Variants in CORO2B observed in about 807,000 individuals in gnomAD.
The protein encoded by CORO2B is coronin-2B.
Under a neutral mutation model 58.8 loss-of-function variants are expected in CORO2B, and 26 were observed. That is an observed-to-expected ratio of 0.44 (90% confidence interval 0.32 to 0.61). The LOEUF is 0.61. Among genes scored for constraint, CORO2B ranks in the 20% least tolerant of loss-of-function variants. The pLI, the probability that CORO2B is intolerant of heterozygous loss-of-function variation, is 0.04. For synonymous variants in CORO2B, 242 were observed against 253.8 expected (o/e 0.95, Z 0.44); for missense variants, 460 against 645.1 (o/e 0.71, Z 3.11).
intron 1 of CORO2B, among the ~76,000 whole-genome samples, chr15:68,603,015 G>C (rs950142846): frequency 3.3e-5 from 5 of 152,200 alleles, no homozygotes; most frequent in Non-Finnish European, 7.3e-5. Flanking sequence ...TTTCCCCTGA[G>C]CAGGAAGGTG....
At chr15:68,684,458 G>A (rs892341627) in intron 2 of CORO2B, among the ~76,000 whole-genome samples, 6 of 152,254 alleles carry the variant, frequency 3.9e-5, no homozygotes, top group African/African-American at 1.2e-4. Context: ...GGGCAGAAAG[G>A]ACCACAGGAG....
chr15:68,698,149 G>A (rs962117262), intron 3 of CORO2B, among the ~76,000 whole-genome samples: 2 of 152,234 alleles, frequency 1.3e-5, no homozygotes, highest in African/African-American at 4.8e-5. Flanking sequence ...TAGGTCACAA[G>A]CCAGGAAGTA....
chr15:68,545,056 G>C, the CORO2B span, among the ~76,000 whole-genome samples: 6 of 152,260 alleles, frequency 3.9e-5, no homozygotes, highest in South Asian at 6.2e-4. Flanking sequence ...TTACAGGCTT[G>C]AGCCACCACG....
chr15:68,579,225 GCCGCGC>G lies in CORO2B; in HGVS notation c.-29_-24del. 1 of 1,090,730 alleles carries G rather than the reference GCCGCGC, an allele frequency of 9.2e-7. No individual in the cohort carries two copies. The highest frequency in any genetic ancestry group is 1.1e-6 in the Non-Finnish European group (1 of 900,374). 67.6% of individuals were successfully genotyped at this position (1,090,730 alleles called of 1,614,324 possible). On this transcript the variant is annotated 5_prime_UTR_variant, in exon 1 of 12. Coordinates refer to ENST00000261861, the MANE Select transcript of CORO2B (RefSeq NM_006091.5). Reference sequence around the variant, plus strand: ...CGGGCCGCCGCCGCCGCCCCCGCACGCCGCGCCCGCGCCCCCGCTCCGCCGCGGAGT... The same window carrying G: ...CGGGCCGCCGCCGCCGCCCCCGCACGCCGCGCCCCCGCTCCGCCGCGGAGT...
At position 68,710,841 on chromosome 15, in the gene CORO2B, C is replaced by T. The variant is rs1196634495; in HGVS notation, c.443C>T (p.Thr148Ile). The change falls in exon 4 of 12, where the codon ACC becomes ATC. Residue 148 changes from threonine (T) to isoleucine (I), a missense_variant. This residue lies in a region of CORO2B where 352 missense variants were observed against 543.0 expected (regional missense o/e 0.65). Transcript: ENST00000261861. The surrounding 1 kb of genome is among the most constrained non-coding windows in gnomAD (Gnocchi z 4.1). The stretch of plus-strand genomic sequence containing the variant: ...GTGGGGCTGGTCGAGTGGCACCCCA[C>T]CACCAACAACATCCTGTTCAGCGCT... The part of the protein sequence containing the change: ...RRVGLVEWHP[T>I]TNNILFSAGY... The T allele has an allele frequency of 6.2e-7, 1 of 1,611,028 alleles. No homozygotes were observed. Among genetic ancestry groups the T allele is most frequent in the South Asian group, 1.1e-5 (1 of 90,008 alleles).
At chr15:68,720,327 G>A (rs546342960) in intron 11 of CORO2B, among the ~76,000 whole-genome samples, 9 of 152,310 alleles carry the variant, frequency 5.9e-5, no homozygotes, top group Admixed American at 3.9e-4. Flanking sequence ...TAAGTGTCTA[G>A]CACTCTTCCT....
chr15:68,603,496 G>A (rs1331239135), intron 1 of CORO2B, among the ~76,000 whole-genome samples: 6 of 152,158 alleles, frequency 3.9e-5, no homozygotes, highest in Admixed American at 2.6e-4. Context: ...CAGAGTTAGG[G>A]TGACATGGTG....
At chr15:68,571,948 G>C in the CORO2B span, among the ~76,000 whole-genome samples, 1 of 152,228 alleles carries the variant, frequency 6.6e-6, no homozygotes, top group Admixed American at 6.5e-5. Context: ...GGTCCCCACT[G>C]TAATGAGAAG....
intron 11 of CORO2B, among the ~76,000 whole-genome samples, chr15:68,724,861 T>G (rs547360054): frequency 6.6e-6 from 1 of 152,288 alleles, no homozygotes; most frequent in African/African-American, 2.4e-5. Context: ...TGTGGACATC[T>G]GTCAATATGC....
At chr15:68,652,613 G>T (rs1181924696) in intron 2 of CORO2B, among the ~76,000 whole-genome samples, 6 of 152,202 alleles carry the variant, frequency 3.9e-5, no homozygotes, top group African/African-American at 1.4e-4. Context: ...TGTACACCGG[G>T]TCTCTGGGGC....
At chr15:68,554,128 G>C in the CORO2B span, among the ~76,000 whole-genome samples, 1 of 152,118 alleles carries the variant, frequency 6.6e-6, no homozygotes, top group South Asian at 2.1e-4. Flanking sequence ...TGGGCTTGTC[G>C]GGCCCTGGTA....
At position 68,722,580 on chromosome 15, in the gene CORO2B, G is replaced by A. The variant is rs141383504; in HGVS notation, c.1311+3028G>A. Among the ~76,000 whole-genome samples, 750 of 152,206 alleles carry A rather than the reference G, an allele frequency of 4.9e-3. 9 individuals are homozygous for A. Among genetic ancestry groups the A allele is most frequent in the African/African-American group, 0.017 (708 of 41,542 alleles). ...TGTGTGAATTACACCTCACTAAAGC[G>A]GTTTTTTTGACAAAAGTGGACCAAA... On this transcript the variant is annotated intron_variant, in intron 11 of 11. Transcript: ENST00000261861.
chr15:68,522,530 AC>A, the CORO2B span, among the ~76,000 whole-genome samples: 1 of 151,910 alleles, frequency 6.6e-6, no homozygotes, highest in Non-Finnish European at 1.5e-5. Context: ...GCTCACTGCA[AC>A]CTCTGCCTCC....
chr15:68,644,550 A>G (rs1304486699), intron 1 of CORO2B, among the ~76,000 whole-genome samples: 1 of 152,204 alleles, frequency 6.6e-6, no homozygotes, highest in Non-Finnish European at 1.5e-5. Context: ...AGCCTTGGAC[A>G]AGTCACTTAA....
the CORO2B span, among the ~76,000 whole-genome samples, chr15:68,522,912 G>A: frequency 2.0e-5 from 3 of 152,042 alleles, no homozygotes; most frequent in South Asian, 2.1e-4. Flanking sequence ...TTGAATACTG[G>A]AGAGTTTATA....
chr15:68,630,714 C>T (rs1900805361), intron 1 of CORO2B, among the ~76,000 whole-genome samples: 1 of 152,092 alleles, frequency 6.6e-6, no homozygotes, highest in Admixed American at 6.5e-5. Context: ...GGAAGGAGGT[C>T]CTAGGTTTGG....
intron 2 of CORO2B, among the ~76,000 whole-genome samples, chr15:68,647,788 A>G (rs1421810757): frequency 6.6e-6 from 1 of 151,366 alleles, no homozygotes; most frequent in African/African-American, 2.4e-5. Context: ...CAGGAAGATC[A>G]CTTAACCCCA....
In CORO2B at chr15:68,645,090, C is replaced by A. The variant is rs895410958; in HGVS notation, c.16-70C>A. On this transcript the variant is annotated intron_variant, in intron 1 of 11. Coordinates refer to ENST00000261861, the MANE Select transcript of CORO2B (RefSeq NM_006091.5). This position sits in a 1 kb window ranked among gnomAD's most constrained non-coding sequence, Gnocchi z 4.5. Reference sequence around the variant, plus strand: ...CCTCTGAGCCGCAGCTTCCCTCCCCCAAGAGCCCAGCCGAGGCCCTTCATG... The same window carrying A: ...CCTCTGAGCCGCAGCTTCCCTCCCCAAAGAGCCCAGCCGAGGCCCTTCATG... 2.6e-6 allele frequency: 4 copies of A among 1,520,230 alleles called. No homozygotes were observed. The highest frequency in any genetic ancestry group is 1.4e-5 in the African/African-American group (1 of 72,948). The allele number at this position is 1,520,230 out of a possible 1,614,324, so 94.2% of individuals were successfully genotyped here.
At chr15:68,518,602 A>C in the CORO2B span, among the ~76,000 whole-genome samples, 1 of 152,002 alleles carries the variant, frequency 6.6e-6, no homozygotes, top group African/African-American at 2.4e-5. Context: ...AGGTGAGTCC[A>C]GTCAGCAGCA....
Sources: allele counts gnomAD v4.1 joint callset (sites outside exome capture counted in the v4.1 genomes callset), GRCh38; gene constraint gnomAD v4.1.1; regional missense constraint gnomAD v4.1.1; non-coding constraint Gnocchi (gnomAD v3.1); transcripts MANE v1.5; gene names NCBI Gene and HGNC (gene_info 2026-07-23, HGNC 2026-07-21).